Variants in SEC24A observed in about 807,000 individuals in gnomAD.
SEC24A encodes the protein protein transport protein Sec24A.
In SEC24A, 93 loss-of-function variants were observed where a neutral mutation model predicts 129.4. That is an observed-to-expected ratio of 0.72 (90% CI 0.61 to 0.85). SEC24A has a LOEUF of 0.85. Ranked by LOEUF, SEC24A falls within the 40% of genes least tolerant of loss-of-function variation. The pLI, the probability that SEC24A is intolerant of heterozygous loss-of-function variation, is 0.00. For missense variants in SEC24A, 1,264 were observed against 1,307.4 expected, an observed-to-expected ratio of 0.97 and a Z score of 0.51; for synonymous variants, 460 against 467.3, an observed-to-expected ratio of 0.98 and a Z score of 0.20.
intron 2 of SEC24A, 37 bp from the exon 3 acceptor site, chr5:134,666,786 T>C: frequency 6.3e-7 from 1 of 1,597,312 alleles, no homozygotes; most frequent in African/African-American, 1.3e-5. Flanking sequence ...TAGTCTTGAG[T>C]TCTCAAGTGA....
intron 3 of SEC24A, among the ~76,000 whole-genome samples, chr5:134,671,371 A>C (rs1307127999): frequency 2.0e-5 from 3 of 152,008 alleles, no homozygotes. Context: ...CTTTTTCTTT[A>C]GGTAGTTTTG....
chr5:134,694,466 T>C (rs1751757225), intron 13 of SEC24A, among the ~76,000 whole-genome samples: 1 of 151,404 alleles, frequency 6.6e-6, no homozygotes, highest in Non-Finnish European at 1.5e-5. Flanking sequence ...GAGACCACGG[T>C]GAAACCCCAT....
intron 2 of SEC24A, among the ~76,000 whole-genome samples, chr5:134,662,132 C>T (rs1385827375): frequency 6.6e-6 from 1 of 151,522 alleles, no homozygotes; most frequent in Non-Finnish European, 1.5e-5. Context: ...CACCTGGCCA[C>T]ATTTATTTAT....
chr5:134,674,501 C>T (rs1409590507), intron 4 of SEC24A, 114 bp from the exon 5 acceptor site: 6 of 879,142 alleles, frequency 6.8e-6, no homozygotes, highest in Non-Finnish European at 8.6e-6. Flanking sequence ...TGCACCACTG[C>T]ACTGCAGCCT....
intron 9 of SEC24A, among the ~76,000 whole-genome samples, chr5:134,685,559 G>A (rs186669646): frequency 1.3e-5 from 2 of 152,200 alleles, no homozygotes; most frequent in East Asian, 3.9e-4. Context: ...TTTGGTATTC[G>A]AGGTGGGAGA....
Position 134,718,086 on chromosome 5 carries a change from T to G in SEC24A, c.2883T>G (p.Ser961Arg). The change falls in exon 20 of 23, where the codon AGT becomes AGG. Residue 961 changes from serine (S) to arginine (R), a missense_variant. Transcript: ENST00000398844. Reference sequence around the variant, plus strand: ...TTCCTCAGGGAGCACTCAACATCAGTGATAGAACCATACCTCAGCCCCCCA... The same window carrying G: ...TTCCTCAGGGAGCACTCAACATCAGGGATAGAACCATACCTCAGCCCCCCA... Reference protein sequence around the residue: ...NLSDEGALNISDRTIPQPPIL... With the variant: ...NLSDEGALNIRDRTIPQPPIL... 1.2e-6 allele frequency: 2 copies of G among 1,613,940 alleles called. No individual in the cohort carries two copies. Among genetic ancestry groups the G allele is most frequent in the Non-Finnish European group, 1.7e-6 (2 of 1,179,834 alleles).
At chr5:134,652,893 C>T (rs1750111669) in intron 1 of SEC24A, among the ~76,000 whole-genome samples, 1 of 152,108 alleles carries the variant, frequency 6.6e-6, no homozygotes, top group South Asian at 2.1e-4. Flanking sequence ...CTCCTGGGTT[C>T]ATGCCATTCT....
In SEC24A at chr5:134,661,590, G is replaced by A; in HGVS notation, c.565+4G>A. 6.3e-7 allele frequency: 1 copy of A among 1,598,784 alleles called. No individual in the cohort carries two copies. Among genetic ancestry groups the A allele is most frequent in the Non-Finnish European group, 8.6e-7 (1 of 1,166,660 alleles). On this transcript the variant is annotated splice_donor_region_variant and intron_variant, in intron 2 of 22. Coordinates refer to ENST00000398844, the MANE Select transcript of SEC24A (RefSeq NM_021982.3). The stretch of plus-strand genomic sequence containing the variant: ...CAAAATAGCTTCATAAAGTCAGGTA[G>A]TATTCTTATAGAAGTGCTTAAAATG...
intron 18 of SEC24A, among the ~76,000 whole-genome samples, chr5:134,712,876 C>T (rs1193545207): frequency 1.3e-5 from 2 of 150,848 alleles, no homozygotes; most frequent in South Asian, 2.1e-4. Flanking sequence ...CCTCAGCCTC[C>T]CAAATTGTTG....
chr5:134,725,342 T>C lies in SEC24A; in HGVS notation c.*248T>C. ...TGATTGGATACTTTTTTCTTGCCAATTATGTTTGAGTTGTTATGGATTAAA... is the reference window on the plus strand; with the variant it reads ...TGATTGGATACTTTTTTCTTGCCAACTATGTTTGAGTTGTTATGGATTAAA... On this transcript the variant is annotated 3_prime_UTR_variant, in exon 23 of 23. Transcript: ENST00000398844. 1 of 300,640 alleles carries C rather than the reference T, an allele frequency of 3.3e-6. No homozygotes were observed. Among genetic ancestry groups the C allele is most frequent in the Non-Finnish European group, 6.1e-6 (1 of 165,096 alleles). 18.6% of individuals were successfully genotyped at this position (300,640 alleles called of 1,614,324 possible).
chr5:134,699,293 A>G (rs1374677028), intron 15 of SEC24A, among the ~76,000 whole-genome samples: 4 of 138,018 alleles, frequency 2.9e-5, no homozygotes, highest in Non-Finnish European at 4.6e-5. Flanking sequence ...AAGCTTTACC[A>G]TTTTATCCTT....
intron 1 of SEC24A, among the ~76,000 whole-genome samples, chr5:134,658,726 G>A (rs1182678595): frequency 6.6e-6 from 1 of 152,164 alleles, no homozygotes; most frequent in Non-Finnish European, 1.5e-5. Flanking sequence ...TTTAATAGGG[G>A]AAGAATGGGG....
At chr5:134,675,310 T>C (rs1751022088) in intron 6 of SEC24A, 93 bp downstream of exon 6, 1 of 934,664 alleles carries the variant, frequency 1.1e-6, no homozygotes, top group Non-Finnish European at 1.6e-6. Flanking sequence ...CTGTACAAAT[T>C]ATTAATTTAT....
chr5:134,657,314 GCTGGGATTGCAGGCATGAGCCACCGTGC>G (rs1750284423), intron 1 of SEC24A, among the ~76,000 whole-genome samples: 1 of 151,862 alleles, frequency 6.6e-6, no homozygotes, highest in Non-Finnish European at 1.5e-5. Context: ...TTTCTAAAGT[GCTGGGATTGCAGGCATGAGCCACCGTGC>G]CTGGCCTACA....
intron 15 of SEC24A, among the ~76,000 whole-genome samples, chr5:134,699,205 C>T (rs1751924442): frequency 6.6e-6 from 1 of 151,992 alleles, no homozygotes; most frequent in African/African-American, 2.4e-5. Flanking sequence ...GTTAGGATTA[C>T]AGGCATGAGC....
intron 16 of SEC24A, 138 bp downstream of exon 16, chr5:134,704,070 T>G (rs1580729443): frequency 2.6e-6 from 1 of 387,836 alleles, no homozygotes; most frequent in Non-Finnish European, 4.6e-6. Context: ...ATTTATTTAT[T>G]TATTTATTTA....
chr5:134,654,360 T>C (rs1750168543), intron 1 of SEC24A, among the ~76,000 whole-genome samples: 1 of 151,944 alleles, frequency 6.6e-6, no homozygotes, highest in African/African-American at 2.4e-5. Flanking sequence ...TAGCTGGGAC[T>C]ACAGGCGTGC....
At chr5:134,681,366 C>T (rs1441545202) in intron 8 of SEC24A, among the ~76,000 whole-genome samples, 4 of 152,070 alleles carry the variant, frequency 2.6e-5, no homozygotes, top group African/African-American at 7.2e-5. Context: ...CACCATTGCA[C>T]TCCAGCCTTG....
chr5:134,656,235 A>G (rs1750238723), intron 1 of SEC24A, among the ~76,000 whole-genome samples: 1 of 151,864 alleles, frequency 6.6e-6, no homozygotes, highest in African/African-American at 2.4e-5. Context: ...GGCATGTGCC[A>G]CCACACCCGG....
Sources: allele counts gnomAD v4.1 joint callset (sites outside exome capture counted in the v4.1 genomes callset), GRCh38; gene constraint gnomAD v4.1.1; transcripts MANE v1.5; gene names NCBI Gene and HGNC (gene_info 2026-07-23, HGNC 2026-07-21).